Variants in CACNA1C observed in about 807,000 individuals in gnomAD.
CACNA1C encodes calcium voltage-gated channel subunit alpha1 C.
Under a neutral mutation model 229.0 loss-of-function variants are expected in CACNA1C, and 30 were observed. The observed-to-expected ratio is 0.13, with a 90% CI of 0.10 to 0.18. The LOEUF is 0.18. CACNA1C is among the 10% of genes least tolerant of loss of function. The pLI is 1.00. For missense variants in CACNA1C, 1,658 were observed against 2,845.0 expected, an observed-to-expected ratio of 0.58 and a Z score of 9.49; for synonymous variants, 1,114 against 1,132.5, an observed-to-expected ratio of 0.98 and a Z score of 0.33.
At chr12:2,370,198 TA>T (rs2097827625) in intron 3 of CACNA1C, among the ~76,000 whole-genome samples, 2 of 152,218 alleles carry the variant, frequency 1.3e-5, no homozygotes, top group East Asian at 1.9e-4. Context: ...TAACACAGAT[TA>T]AAAAAATACA....
intron 30 of CACNA1C, among the ~76,000 whole-genome samples, chr12:2,638,331 G>T (rs539652686): frequency 1.8e-4 from 27 of 152,216 alleles, no homozygotes; most frequent in Non-Finnish European, 3.2e-4. Context: ...AGGAATTGAG[G>T]ATTCTCCATG....
intron 3 of CACNA1C, among the ~76,000 whole-genome samples, chr12:2,211,987 C>T (rs2154339012): frequency 6.6e-6 from 1 of 152,286 alleles, no homozygotes; most frequent in East Asian, 1.9e-4. Context: ...TCCCAACGTG[C>T]TGGGATTATA....
intron 5 of CACNA1C, among the ~76,000 whole-genome samples, chr12:2,463,724 G>A (rs1463106026): frequency 2.0e-5 from 3 of 152,184 alleles, no homozygotes; most frequent in Non-Finnish European, 2.9e-5. Context: ...CAAGGCTAAC[G>A]GCTTGATTAC....
rs1365741855 is a variant in CACNA1C, at chr12:2,181,180, A to G, written c.477+60750A>G. 2.0e-5 allele frequency among the ~76,000 whole-genome samples: 3 copies of G among 152,142 alleles called. No homozygotes were observed. Among genetic ancestry groups the G allele is most frequent in the East Asian group, 1.9e-4 (1 of 5,190 alleles). Reference sequence around the variant, plus strand: ...AGCCCAGTCCGTGACGGCGGTAACAATGATCATTACTACCTCTGTTATTTC... The same window carrying G: ...AGCCCAGTCCGTGACGGCGGTAACAGTGATCATTACTACCTCTGTTATTTC... On this transcript the variant is annotated intron_variant, in intron 3 of 46. Coordinates refer to ENST00000399655, the MANE Select transcript of CACNA1C (RefSeq NM_000719.7). This position sits in a 1 kb window ranked among gnomAD's most constrained non-coding sequence, Gnocchi z 4.0.
intron 3 of CACNA1C, among the ~76,000 whole-genome samples, chr12:2,266,231 C>T (rs778530094): frequency 6.6e-5 from 10 of 152,188 alleles, no homozygotes; most frequent in Non-Finnish European, 1.3e-4. Flanking sequence ...ACAATGCCTT[C>T]GAGCCTGCTG....
chr12:2,514,939 G>A (rs147931431), intron 9 of CACNA1C, among the ~76,000 whole-genome samples: 1 of 152,316 alleles, frequency 6.6e-6, no homozygotes, highest in East Asian at 1.9e-4. Context: ...CAAATTTCTT[G>A]ACAAACTTTG....
rs75958824 is a variant in CACNA1C at position 2,109,252 on chromosome 12, G to A, written c.50-5972G>A. ...GGGGTCCCTTTCCAATGCCAGGGGC[G>A]TTGGGCATGTTTATTCAACGGTGGC... On this transcript the variant is annotated intron_variant, in intron 1 of 46. Transcript: ENST00000399655. Among the ~76,000 whole-genome samples the A allele has an allele frequency of 8.6e-3, 1,306 of 152,262 alleles. 20 individuals are homozygous for A. Among genetic ancestry groups the A allele is most frequent in the African/African-American group, 0.03 (1,231 of 41,556 alleles).
At chr12:2,197,451 A>G (rs887691680) in intron 3 of CACNA1C, among the ~76,000 whole-genome samples, 4 of 152,178 alleles carry the variant, frequency 2.6e-5, no homozygotes, top group Non-Finnish European at 5.9e-5. Flanking sequence ...TGTGTTTCCC[A>G]TTGATTTTAA....
At chr12:2,592,156 G>A (rs2065674699) in intron 18 of CACNA1C, among the ~76,000 whole-genome samples, 1 of 152,196 alleles carries the variant, frequency 6.6e-6, no homozygotes. Context: ...TCGTGTGAGT[G>A]GACAGTTTGT....
rs901395948 is a variant in CACNA1C at position 2,598,935 on chromosome 12, A to G, written c.2853+1646A>G. Among the ~76,000 whole-genome samples, 3 of 152,280 alleles carry G rather than the reference A, an allele frequency of 2.0e-5. No individual in the cohort carries two copies. The South Asian group carries it at 6.2e-4, about 32-fold the overall frequency. ...TCCTGGAGGTCGGGAGAGGGAACCG[A>G]AAGTTGCGTGGCTGCACTAAGATGC... On this transcript the variant is annotated intron_variant, in intron 21 of 46. Transcript: ENST00000399655.
chr12:2,056,598 A>G (rs78450812), intron 1 of CACNA1C, among the ~76,000 whole-genome samples: 1 of 152,234 alleles, frequency 6.6e-6, no homozygotes, highest in Non-Finnish European at 1.5e-5. Flanking sequence ...GAATCACTGT[A>G]ATAAGGTAAT....
chr12:2,191,495 T>A (rs1417364875), intron 3 of CACNA1C, among the ~76,000 whole-genome samples: 1 of 152,140 alleles, frequency 6.6e-6, no homozygotes, highest in East Asian at 1.9e-4. Flanking sequence ...ATGGGCCTGA[T>A]GCTTTTTCTT....
chr12:2,455,428 A>G (rs1225095699), intron 4 of CACNA1C, among the ~76,000 whole-genome samples: 1 of 152,212 alleles, frequency 6.6e-6, no homozygotes, highest in Non-Finnish European at 1.5e-5. Flanking sequence ...ATGATTTTTT[A>G]TATTTATTAC....
rs900258666 is a variant in CACNA1C at position 2,526,910 on chromosome 12, C to T, written c.1390+13926C>T. On this transcript the variant is annotated intron_variant, in intron 9 of 46. Transcript: ENST00000399655. ...TAACCCCAGCAAAGATCTGCAGGGC[C>T]GAGCCACTGGACAGAAGAGCTTTGA... is the stretch of plus-strand genomic sequence containing the variant. Among the ~76,000 whole-genome samples the T allele has an allele frequency of 7.9e-5, 12 of 152,172 alleles. No homozygotes were observed. In the South Asian group the frequency reaches 8.3e-4, roughly 11 times the overall value.
chr12:2,103,280 A>T (rs1395432970), intron 1 of CACNA1C, among the ~76,000 whole-genome samples: 3 of 152,220 alleles, frequency 2.0e-5, no homozygotes, highest in African/African-American at 7.2e-5. Context: ...AACCATTCTA[A>T]CTGGCATGAG....
At chr12:2,224,881 G>A (rs1314839923) in intron 3 of CACNA1C, among the ~76,000 whole-genome samples, 1 of 152,114 alleles carries the variant, frequency 6.6e-6, no homozygotes. Context: ...GAAAGAGACG[G>A]TTATGTACCT....
intron 3 of CACNA1C, among the ~76,000 whole-genome samples, chr12:2,390,979 T>C (rs987117872): frequency 6.6e-6 from 1 of 151,906 alleles, no homozygotes; most frequent in Admixed American, 6.6e-5. Context: ...CACACAGCAG[T>C]GGTGGTGTGT....
chr12:2,491,866 G>A (rs2099735665), intron 6 of CACNA1C, among the ~76,000 whole-genome samples: 1 of 152,034 alleles, frequency 6.6e-6, no homozygotes, highest in Non-Finnish European at 1.5e-5. Context: ...GCCTAACGTA[G>A]GCAAAGTAAT....
intron 1 of CACNA1C, among the ~76,000 whole-genome samples, chr12:1,989,662 G>A (rs113451026): frequency 0.028 from 4,175 of 151,700 alleles, 96 homozygotes; most frequent in Middle Eastern, 0.057. Flanking sequence ...GCAATAAGCC[G>A]AGATTGTGCC....
Sources: gnomAD v4.1 joint callset for allele counts (sites outside exome capture counted in the v4.1 genomes callset) on GRCh38, gnomAD v4.1.1 for gene constraint, Gnocchi (gnomAD v3.1) non-coding constraint, MANE v1.5 for transcripts, NCBI Gene and HGNC (gene_info 2026-07-23, HGNC 2026-07-21) for gene names.